The following CCDC174 variants were observed in gnomAD, a reference collection of about 807,000 sequenced individuals.
CCDC174 encodes the protein coiled-coil domain-containing protein 174.
CCDC174 carries 37 observed loss-of-function variants against 57.1 expected under a neutral mutation model. The observed-to-expected ratio is 0.65, with a 90% confidence interval of 0.50 to 0.85. The LOEUF (loss-of-function observed/expected upper bound fraction) is 0.85, where lower values mean the gene tolerates loss of function less well. Among genes scored for constraint, CCDC174 ranks in the 40% least tolerant of loss-of-function variants. The pLI is 0.00. For synonymous variants in CCDC174, 182 were observed against 190.2 expected (o/e 0.96, Z 0.35); for missense variants, 540 against 574.3 (o/e 0.94, Z 0.61).
At chr3:14,654,862 A>G (rs2030898559) in intron 2 of CCDC174, among the ~76,000 whole-genome samples, 1 of 152,230 alleles carries the variant, frequency 6.6e-6, no homozygotes, top group South Asian at 2.1e-4. Context: ...ATAGCGGAAA[A>G]TATCAGGGTG....
At chr3:14,660,419 A>T (rs536214986) in intron 4 of CCDC174, among the ~76,000 whole-genome samples, 2 of 152,316 alleles carry the variant, frequency 1.3e-5, no homozygotes, top group Middle Eastern at 6.8e-3. Context: ...CAGGAGAATC[A>T]CTTGAACCCG....
chr3:14,662,002 T>C (rs2031156389), intron 5 of CCDC174: 1 of 276,718 alleles, frequency 3.6e-6, no homozygotes, highest in African/African-American at 2.2e-5. Context: ...CCTGGCAGAC[T>C]TGGCTTGCCT....
intron 9 of CCDC174, among the ~76,000 whole-genome samples, chr3:14,668,740 A>G (rs1038777400): frequency 6.6e-6 from 1 of 152,178 alleles, no homozygotes; most frequent in African/African-American, 2.4e-5. Context: ...ATTGCCATCA[A>G]TCTAGAGACT....
intron 3 of CCDC174, among the ~76,000 whole-genome samples, chr3:14,656,078 C>T (rs188078391): frequency 6.6e-6 from 1 of 152,250 alleles, no homozygotes; most frequent in Admixed American, 6.5e-5. Context: ...CACACACACG[C>T]GTGTGTAGAG....
chr3:14,669,393 C>T (rs1406225545), intron 9 of CCDC174, among the ~76,000 whole-genome samples: 1 of 152,242 alleles, frequency 6.6e-6, no homozygotes, highest in African/African-American at 2.4e-5. Context: ...ATCTCCTGAA[C>T]ATCTGTCATG....
chr3:14,670,223 A>G, intron 10 of CCDC174, 137 bp downstream of exon 10: 1 of 806,022 alleles, frequency 1.2e-6, no homozygotes, highest in Non-Finnish European at 1.9e-6. Context: ...ATTTCTCAGG[A>G]CCTGCCTTTA....
chr3:14,671,073 G>A lies in CCDC174; in HGVS notation c.1283G>A (p.Ser428Asn). ...QSDPGQCPDQSHGPSPEHTSP... is the reference protein window; with the variant it reads ...QSDPGQCPDQNHGPSPEHTSP... ...GACCCAGGGCAGTGCCCTGACCAGA[G>A]CCACGGACCTAGCCCTGAACATACG... is the stretch of plus-strand genomic sequence containing the variant. The change falls in exon 11 of 11, where the codon AGC becomes AAC. Residue 428 changes from serine (S) to asparagine (N), a missense_variant. Coordinates refer to ENST00000383794, the MANE Select transcript of CCDC174 (RefSeq NM_016474.5). 4 of 1,614,158 alleles carry A rather than the reference G, an allele frequency of 2.5e-6. No homozygotes were observed. Among genetic ancestry groups the A allele is most frequent in the Non-Finnish European group, 3.4e-6 (4 of 1,180,018 alleles).
intron 6 of CCDC174, among the ~76,000 whole-genome samples, chr3:14,666,037 CAAAAAAAA>C (rs71038422): frequency 3.5e-5 from 3 of 84,800 alleles, no homozygotes; most frequent in Non-Finnish European, 4.8e-5. Context: ...GACTCCGTCT[CAAAAAAAA>C]AAAAAAAAAA....
chr3:14,671,576 G>T lies in CCDC174; in HGVS notation c.*382G>T. 1 of 166,542 alleles carries T rather than the reference G, an allele frequency of 6.0e-6. No homozygotes were observed. Among genetic ancestry groups the T allele is most frequent in the Non-Finnish European group, 1.3e-5 (1 of 77,620 alleles). The allele number at this position is 166,542 out of a possible 1,614,324, so 10.3% of individuals were successfully genotyped here. A position where few individuals can be genotyped will look rare whatever the true frequency, so the allele number is the denominator to read the frequency against. On this transcript the variant is annotated 3_prime_UTR_variant, in exon 11 of 11. Coordinates refer to ENST00000383794, the MANE Select transcript of CCDC174 (RefSeq NM_016474.5). ...GAGCATGCAGGTGTCTTTATTCCAA[G>T]GGTTCAGCTTCCAGATCAGCCGATG... is the stretch of plus-strand genomic sequence containing the variant.
At chr3:14,657,899 A>T (rs1559379855) in intron 3 of CCDC174, among the ~76,000 whole-genome samples, 1 of 152,104 alleles carries the variant, frequency 6.6e-6, no homozygotes, top group Non-Finnish European at 1.5e-5. Context: ...CTCTAACCTG[A>T]CACTTGTTGC....
At chr3:14,654,140 A>G (rs2030871845) in intron 1 of CCDC174, among the ~76,000 whole-genome samples, 1 of 152,250 alleles carries the variant, frequency 6.6e-6, no homozygotes, top group Non-Finnish European at 1.5e-5. Context: ...TGCAGACTTT[A>G]TTAATTTATT....
chr3:14,660,638 C>G (rs2031099955), intron 4 of CCDC174, among the ~76,000 whole-genome samples: 1 of 152,202 alleles, frequency 6.6e-6, no homozygotes, highest in South Asian at 2.1e-4. Flanking sequence ...GCCAGCAAGC[C>G]TACCTCCTGA....
At position 14,671,080 on chromosome 3, in the gene CCDC174, A is replaced by C. The variant is rs138553563; in HGVS notation, c.1290A>C (p.Gly430=). ...GGCAGTGCCCTGACCAGAGCCACGG[A>C]CCTAGCCCTGAACATACGTCACCCA... ...DPGQCPDQSH[G]PSPEHTSPTP... The change falls in exon 11 of 11, where the codon GGA becomes GGC. Residue 430 remains glycine, a synonymous_variant. Coordinates refer to ENST00000383794, the MANE Select transcript of CCDC174 (RefSeq NM_016474.5). The C allele has an allele frequency of 1.3e-4, 215 of 1,614,116 alleles. No homozygotes were observed. The African/African-American group carries it at 2.5e-3, about 19-fold the overall frequency.
intron 4 of CCDC174, among the ~76,000 whole-genome samples, chr3:14,661,179 T>C (rs759386548): frequency 6.6e-5 from 10 of 152,244 alleles, no homozygotes; most frequent in Non-Finnish European, 1.3e-4. Context: ...TGTCCTGATC[T>C]GATGACACGG....
chr3:14,671,184 A>T lies in CCDC174; in HGVS notation c.1394A>T (p.Gln465Leu), dbSNP rs1290881289. ...GATGACATGATTTCCTATTACAAACAAGTGACATGATCTTTCAAAGCACGC... is the reference window on the plus strand; with the variant it reads ...GATGACATGATTTCCTATTACAAACTAGTGACATGATCTTTCAAAGCACGC... ...TLDDMISYYKQVT is the reference protein window; with the variant it reads ...TLDDMISYYKLVT The change falls in exon 11 of 11, where the codon CAA becomes CTA. Residue 465 changes from glutamine to leucine, a missense_variant. Physicochemically the swap from Gln to Leu is moderately radical, Grantham distance 113. Coordinates refer to ENST00000383794, the MANE Select transcript of CCDC174 (RefSeq NM_016474.5). The T allele has an allele frequency of 6.2e-7, 1 of 1,608,030 alleles. No homozygotes were observed. The highest frequency in any genetic ancestry group is 8.5e-7 in the Non-Finnish European group (1 of 1,175,460).
chr3:14,654,625 C>G, intron 2 of CCDC174, 95 bp downstream of exon 2: 1 of 578,168 alleles, frequency 1.7e-6, no homozygotes, highest in Non-Finnish European at 3.0e-6. Flanking sequence ...TATCTGTACA[C>G]ATAAATGTTA....
chr3:14,665,455 T>A (rs2031283575), intron 6 of CCDC174, among the ~76,000 whole-genome samples: 1 of 152,204 alleles, frequency 6.6e-6, no homozygotes, highest in Admixed American at 6.5e-5. Flanking sequence ...CACTTGATTA[T>A]CCCACAAACA....
intron 5 of CCDC174, among the ~76,000 whole-genome samples, chr3:14,664,270 T>C (rs2031245760): frequency 6.6e-6 from 1 of 152,230 alleles, no homozygotes; most frequent in East Asian, 1.9e-4. Flanking sequence ...TATTGGACCT[T>C]ACTGTGTATT....
intron 1 of CCDC174, among the ~76,000 whole-genome samples, chr3:14,653,668 A>C (rs1181579914): frequency 6.6e-6 from 1 of 152,196 alleles, no homozygotes; most frequent in Non-Finnish European, 1.5e-5. Context: ...TATTCACCCA[A>C]CTGCCCCACT....
Sources: gnomAD v4.1 joint callset for allele counts (sites outside exome capture counted in the v4.1 genomes callset) on GRCh38, gnomAD v4.1.1 for gene constraint, MANE v1.5 for transcripts, NCBI Gene and HGNC (gene_info 2026-07-23, HGNC 2026-07-21) for gene names.